Variants in LMTK3 observed in about 807,000 individuals in gnomAD.
The protein encoded by LMTK3 is serine/threonine-protein kinase LMTK3.
A neutral mutation model predicts 116.7 loss-of-function variants in LMTK3; 27 were observed. The observed-to-expected ratio is 0.23, with a 90% CI of 0.17 to 0.32. The LOEUF (loss-of-function observed/expected upper bound fraction) is 0.32. Among genes scored for constraint, LMTK3 ranks in the 10% least tolerant of loss-of-function variants. The pLI, the probability that LMTK3 is intolerant of heterozygous loss-of-function variation, is 1.00. For missense variants in LMTK3, 1,764 were observed against 2,068.5 expected, an observed-to-expected ratio of 0.85 and a Z score of 2.86; for synonymous variants, 965 against 971.0, an observed-to-expected ratio of 0.99 and a Z score of 0.11.
Position 48,491,335 on chromosome 19 carries a change from ACCCCATAGACCCCGCCCCGTCCG to A in LMTK3, c.4228+46_4228+68del, listed in dbSNP as rs1325893903. 8.2e-6 allele frequency: 4 copies of A among 487,948 alleles called. No homozygotes were observed. Among genetic ancestry groups the A allele is most frequent in the Non-Finnish European group, 8.5e-6 (3 of 352,708 alleles). 30.2% of individuals were successfully genotyped at this position (487,948 alleles called of 1,614,324 possible). A position where few individuals can be genotyped will look rare whatever the true frequency, so the allele number is the denominator to read the frequency against. Reference sequence around the variant, plus strand: ...CGCCCCTCCCGACCAAGCCCCTCCCACCCCATAGACCCCGCCCCGTCCGCCCCATGGCTCCCGCCCCCTCCCGC... The same window carrying A: ...CGCCCCTCCCGACCAAGCCCCTCCCACCCCATGGCTCCCGCCCCCTCCCGC... On this transcript the variant is annotated intron_variant, in intron 13 of 14. Coordinates refer to ENST00000600059, the MANE Select transcript of LMTK3 (RefSeq NM_001388485.1). This position sits in a 1 kb window ranked among gnomAD's most constrained non-coding sequence, Gnocchi z 5.1.
chr19:48,510,459 C>A lies in LMTK3; in HGVS notation c.210G>T (p.Lys70Asn). ...AGTTGAATCCCCTCATGCACCTCAC[C>A]TTGAAGCCGACATCGCCCCGTTTGC... is the stretch of plus-strand genomic sequence containing the variant. ...LCCKRGDVGF[K>N]EFENPEGEDC... The change falls in exon 2 of 15, where the codon AAG becomes AAT. Residue 70 changes from lysine to asparagine, a missense_variant and splice_region_variant. By Grantham distance (94) the Lys-to-Asn change is moderately conservative. Coordinates refer to ENST00000600059, the MANE Select transcript of LMTK3 (RefSeq NM_001388485.1). 6.3e-7 allele frequency: 1 copy of A among 1,594,924 alleles called. No individual in the cohort carries two copies. Among genetic ancestry groups the A allele is most frequent in the South Asian group, 1.1e-5 (1 of 87,630 alleles).
At position 48,498,636 on chromosome 19, in the gene LMTK3, C is replaced by A. The variant is rs761782095; in HGVS notation, c.2433G>T (p.Gly811=). ...GAGGGACCCCTTCCTCCTCGGCCGC[C>A]CCCCCACCTGGGAAGGCTCCCTCTG... ...FSPEGAFPGG[G]AAEEEGVPRP... Residue 811 remains glycine (G), a synonymous_variant, in exon 11 of 15, where the codon GGG becomes GGT. Coordinates refer to ENST00000600059, the MANE Select transcript of LMTK3 (RefSeq NM_001388485.1). 66 of 1,541,388 alleles carry A rather than the reference C, an allele frequency of 4.3e-5. No homozygotes were observed. The highest frequency in any genetic ancestry group is 1.0e-5 in the Non-Finnish European group (12 of 1,143,988).
At chr19:48,513,092 AAC>A (rs763596576), upstream of LMTK3, 2 of 1,526,642 alleles carry the variant, frequency 1.3e-6, no homozygotes, top group Non-Finnish European at 1.8e-6. The surrounding 1 kb of genome is among the most constrained non-coding windows in gnomAD (Gnocchi z 5.6). Flanking sequence ...ACACACCCAC[AAC>A]ACAGACACAG....
Position 48,498,970 on chromosome 19 carries a change from C to A in LMTK3, c.2099G>T (p.Cys700Phe). Residue 700 changes from cysteine (C) to phenylalanine (F), a missense_variant, in exon 11 of 15, where the codon TGC becomes TTC. This residue lies in a region of LMTK3 where 1,028 missense variants were observed against 1,050.6 expected (regional missense o/e 0.98). Coordinates refer to ENST00000600059, the MANE Select transcript of LMTK3 (RefSeq NM_001388485.1). ...GGAGTCGTCCTCGGGGGGGTGGGGG[C>A]AGCCAAGAGCAGGGTGGCCTCCCCA... is the stretch of plus-strand genomic sequence containing the variant. ...AGWGGHPALG[C>F]PHPPEDDSSL... The A allele has an allele frequency of 4.5e-6, 6 of 1,336,428 alleles. No individual in the cohort carries two copies. The highest frequency in any genetic ancestry group is 5.7e-6 in the Non-Finnish European group (6 of 1,045,928). 82.8% of individuals were successfully genotyped at this position (1,336,428 alleles called of 1,614,324 possible).
At chr19:48,511,207 A>G (rs1035311073) in intron 1 of LMTK3, among the ~76,000 whole-genome samples, 1 of 151,962 alleles carries the variant, frequency 6.6e-6, no homozygotes. Context: ...TCTGCCCCCA[A>G]TTCTCCCAGA....
chr19:48,497,875 C>T lies in LMTK3; in HGVS notation c.3194G>A (p.Arg1065Gln), dbSNP rs751938641. ...APAPSAVVSS[R>Q]NGGETAPGPL... is the part of the protein sequence containing the mutation. ...GCCAGGGGCTGTCTCCCCGCCGTTC[C>T]GGGAGGAGACCACTGCGCTGGGTGC... Residue 1065 changes from arginine to glutamine, a missense_variant, in exon 11 of 15, where the codon CGG becomes CAG. Physicochemically the swap from Arg to Gln is conservative, Grantham distance 43. Around this residue, in one of 7 missense-constraint regions of LMTK3, gnomAD observed 1,028 missense variants for 1,050.6 expected, o/e 0.98. Transcript: ENST00000600059. The surrounding 1 kb of genome is among the most constrained non-coding windows in gnomAD (Gnocchi z 5.7). 7 of 1,446,524 alleles carry T rather than the reference C, an allele frequency of 4.8e-6. 1 individual carries two copies. The highest frequency in any genetic ancestry group is 3.6e-6 in the Non-Finnish European group (4 of 1,103,248). 89.6% of individuals were successfully genotyped at this position (1,446,524 alleles called of 1,614,324 possible).
chr19:48,508,795 T>C lies in LMTK3; in HGVS notation c.557+56A>G, dbSNP rs577891797. ...AGGTGTGACCCCATACAGCACTCCT[T>C]CCACTCCTGAATGTCACCTCAACAA... On this transcript the variant is annotated intron_variant, in intron 5 of 14. Coordinates refer to ENST00000600059, the MANE Select transcript of LMTK3 (RefSeq NM_001388485.1). 2.3e-4 allele frequency: 313 copies of C among 1,333,990 alleles called. 3 individuals are homozygous for C. In the South Asian group the frequency reaches 2.7e-3, roughly 11 times the overall value. 82.6% of individuals were successfully genotyped at this position (1,333,990 alleles called of 1,614,324 possible).
At position 48,491,136 on chromosome 19, in the gene LMTK3, G is replaced by A. The variant is rs779723417; in HGVS notation, c.4338C>T (p.Pro1446=). ...CGGGCCGGGCGTCGGGGGCCCGGGC[G>A]GGTGGCCCCGGGGTCTCCAGCGCAG... ...VSPALETPGP[P]ARAPDARPAG... is the part of the protein sequence containing the mutation. Residue 1446 remains proline, a synonymous_variant, in exon 14 of 15, where the codon CCC becomes CCT. Coordinates refer to ENST00000600059, the MANE Select transcript of LMTK3 (RefSeq NM_001388485.1). The surrounding 1 kb of genome is among the most constrained non-coding windows in gnomAD (Gnocchi z 5.1). The A allele has an allele frequency of 4.4e-6, 6 of 1,375,374 alleles. No individual in the cohort carries two copies. Among genetic ancestry groups the A allele is most frequent in the Middle Eastern group, 2.1e-4 (1 of 4,696 alleles). The allele number at this position is 1,375,374 out of a possible 1,614,324, so 85.2% of individuals were successfully genotyped here. A position where few individuals can be genotyped will look rare whatever the true frequency, so the allele number is the denominator to read the frequency against.
chr19:48,495,160 C>T (rs1972303991), intron 11 of LMTK3, among the ~76,000 whole-genome samples: 1 of 152,002 alleles, frequency 6.6e-6, no homozygotes, highest in Admixed American at 6.6e-5. Flanking sequence ...CAGGTGCCTG[C>T]CCCCACGCTC....
chr19:48,501,245 C>G lies in LMTK3; in HGVS notation c.1001+38G>C, dbSNP rs747579552. 4 of 1,610,918 alleles carry G rather than the reference C, an allele frequency of 2.5e-6. No individual in the cohort carries two copies. The South Asian group carries it at 3.3e-5, about 13-fold the overall frequency. On this transcript the variant is annotated intron_variant, in intron 9 of 14. Transcript: ENST00000600059. ...TGGCATCTAGTAACCCTTCCACCTT[C>G]CTGGCCTGCCTCGGCCCCCGCGGCC... is the stretch of plus-strand genomic sequence containing the variant.
rs372327586 is a variant in LMTK3 at position 48,501,584 on chromosome 19, G to T, written c.795-22C>A. On this transcript the variant is annotated intron_variant, in intron 7 of 14. Transcript: ENST00000600059. Reference sequence around the variant, plus strand: ...GTCGCTGCGGGAAGAACGCGAGGAGGTGAGCGCAGGGGCAGCCCTCCAGCC... The same window carrying T: ...GTCGCTGCGGGAAGAACGCGAGGAGTTGAGCGCAGGGGCAGCCCTCCAGCC... 4.1e-4 allele frequency: 645 copies of T among 1,587,704 alleles called. 2 individuals carry two copies. In the Middle Eastern group the frequency reaches 4.8e-3, roughly 12 times the overall value.
At chr19:48,490,930 C>T (rs1972210208) in intron 14 of LMTK3, among the ~76,000 whole-genome samples, 178 bp downstream of exon 14, 1 of 152,146 alleles carries the variant, frequency 6.6e-6, no homozygotes, top group Admixed American at 6.5e-5. Context: ...GTCTGATGGA[C>T]GTCGCCTGGT....
chr19:48,491,795 C>T lies in LMTK3; in HGVS notation c.4093-256G>A, dbSNP rs1023125900. Among the ~76,000 whole-genome samples the T allele has an allele frequency of 2.6e-5, 4 of 152,170 alleles. No homozygotes were observed. The highest frequency in any genetic ancestry group is 4.4e-5 in the Non-Finnish European group (3 of 68,024). The stretch of plus-strand genomic sequence containing the variant: ...CCCCGCGCACAGCTAAGTAGCCCAA[C>T]GCAGGGATTCTCTCCTGGCTCATTA... On this transcript the variant is annotated intron_variant, in intron 12 of 14. Transcript: ENST00000600059. The surrounding 1 kb of genome is among the most constrained non-coding windows in gnomAD (Gnocchi z 5.1).
rs1410729824 is a variant in LMTK3 at position 48,497,782 on chromosome 19, C to G, written c.3287G>C (p.Gly1096Ala). ...AGCCCCTGGGGCTCTCGGCGCCCCC[C>G]CAGTCTCGGGGGCTCTCCTCTCGGT... is the stretch of plus-strand genomic sequence containing the variant. Reference protein sequence around the residue: ...PGTERRAPETGGAPRAPGAGR... With the variant: ...PGTERRAPETAGAPRAPGAGR... The change falls in exon 11 of 15, where the codon GGG becomes GCG. Residue 1096 changes from glycine (G) to alanine (A), a missense_variant. This residue lies in a region of LMTK3 where 1,028 missense variants were observed against 1,050.6 expected (regional missense o/e 0.98). Coordinates refer to ENST00000600059, the MANE Select transcript of LMTK3 (RefSeq NM_001388485.1). The surrounding 1 kb of genome is among the most constrained non-coding windows in gnomAD (Gnocchi z 5.7). 3.7e-6 allele frequency: 5 copies of G among 1,368,862 alleles called. No individual in the cohort carries two copies. Among genetic ancestry groups the G allele is most frequent in the Non-Finnish European group, 4.7e-6 (5 of 1,066,982 alleles). The allele number at this position is 1,368,862 out of a possible 1,614,324, so 84.8% of individuals were successfully genotyped here.
At position 48,505,103 on chromosome 19, in the gene LMTK3, CTTTTTTTTTT is replaced by C. The variant is rs33927563; in HGVS notation, c.558-2117_558-2108del. Among the ~76,000 whole-genome samples the C allele has an allele frequency of 9.0e-5, 5 of 55,582 alleles. 1 individual carries two copies. Among genetic ancestry groups the C allele is most frequent in the East Asian group, 9.6e-4 (2 of 2,084 alleles). 36.5% of individuals were successfully genotyped at this position (55,582 alleles called of 152,430 possible). A position where few individuals can be genotyped will look rare whatever the true frequency, so the allele number is the denominator to read the frequency against. ...AGTTTCTCTCTCTCTCTCTCTCTCT[CTTTTTTTTTT>C]TTTTTTTTTTTTTTTTATGAGACAG... On this transcript the variant is annotated intron_variant, in intron 5 of 14. Transcript: ENST00000600059.
chr19:48,494,470 G>A lies in LMTK3; in HGVS notation c.3677-361C>T, dbSNP rs1294652561. On this transcript the variant is annotated intron_variant, in intron 11 of 14. Transcript: ENST00000600059. The surrounding 1 kb of genome is among the most constrained non-coding windows in gnomAD (Gnocchi z 4.0). ...CTCCCACCGAATAGCTGGGACTACA[G>A]GCGCACGTGCCACCATGCCCGGCTA... Among the ~76,000 whole-genome samples the A allele has an allele frequency of 6.6e-6, 1 of 152,172 alleles. No individual in the cohort carries two copies. Among genetic ancestry groups the A allele is most frequent in the Admixed American group, 6.5e-5 (1 of 15,282 alleles).
In LMTK3 at chr19:48,498,645, T is replaced by G; in HGVS notation, c.2424A>C (p.Pro808=). The G allele has an allele frequency of 6.5e-7, 1 of 1,539,000 alleles. No individual in the cohort carries two copies. The highest frequency in any genetic ancestry group is 1.2e-5 in the South Asian group (1 of 83,774). ...ETPFSPEGAF[P]GGGAAEEEGV... ...CTTCCTCCTCGGCCGCCCCCCCACC[T>G]GGGAAGGCTCCCTCTGGGGAAAAAG... Residue 808 remains proline (P), a synonymous_variant, in exon 11 of 15, where the codon CCA becomes CCC. Transcript: ENST00000600059.
chr19:48,504,111 G>A (rs1972523063), intron 5 of LMTK3, among the ~76,000 whole-genome samples: 3 of 151,882 alleles, frequency 2.0e-5, no homozygotes, highest in Non-Finnish European at 2.9e-5. Context: ...CCGGTGATAC[G>A]CCCGCCTCAG....
Position 48,499,083 on chromosome 19 carries a change from G to T in LMTK3, c.1986C>A (p.Ser662Arg). Residue 662 changes from serine to arginine, a missense_variant, in exon 11 of 15, where the codon AGC becomes AGA. Physicochemically the swap from Ser to Arg is moderately radical, Grantham distance 110. Around this residue, in one of 7 missense-constraint regions of LMTK3, gnomAD observed 1,028 missense variants for 1,050.6 expected, o/e 0.98. Transcript: ENST00000600059. ...EDSSSLGGGP[S>R]RRGPLPCPLC... ...GGGGACAGGGTAGGGGACCCCGGCG[G>T]CTTGGGCCACCTCCAAGGCTGCTGC... 1 of 1,548,296 alleles carries T rather than the reference G, an allele frequency of 6.5e-7. No individual in the cohort carries two copies.
Sources: gnomAD v4.1 joint callset for allele counts (sites outside exome capture counted in the v4.1 genomes callset) on GRCh38, gnomAD v4.1.1 for gene constraint, gnomAD v4.1.1 regional missense constraint, Gnocchi (gnomAD v3.1) non-coding constraint, MANE v1.5 for transcripts, NCBI Gene and HGNC (gene_info 2026-07-23, HGNC 2026-07-21) for gene names.